STIM1: variants seen among roughly 807,000 people sequenced by gnomAD.
The protein encoded by STIM1 is stromal interaction molecule 1.
A neutral mutation model predicts 74.7 loss-of-function variants in STIM1; 25 were observed. The observed-to-expected ratio is 0.33, with a 90% confidence interval of 0.24 to 0.47. The LOEUF is 0.47. Ranked by LOEUF, STIM1 falls within the 20% of genes least tolerant of loss-of-function variation. The pLI, the probability that STIM1 is intolerant of heterozygous loss-of-function variation, is 1.00. For synonymous variants in STIM1, 328 were observed against 348.8 expected, an observed-to-expected ratio of 0.94 and a Z score of 0.66; for missense variants, 728 against 920.8, an observed-to-expected ratio of 0.79 and a Z score of 2.71.
At chr11:3,897,885 G>T (rs950784924) in intron 1 of STIM1, among the ~76,000 whole-genome samples, 12 of 152,062 alleles carry the variant, frequency 7.9e-5, no homozygotes, top group African/African-American at 2.9e-4. Flanking sequence ...TGGTGTATAT[G>T]TGCCACATTT....
chr11:3,981,860 A>G (rs2093508203), intron 2 of STIM1, among the ~76,000 whole-genome samples: 1 of 152,222 alleles, frequency 6.6e-6, no homozygotes, highest in Non-Finnish European at 1.5e-5. Flanking sequence ...AAAAAAAGGA[A>G]AACACTGAGA....
chr11:4,059,555 T>C (rs181587369), intron 5 of STIM1, among the ~76,000 whole-genome samples, 159 bp downstream of exon 5: 1 of 152,358 alleles, frequency 6.6e-6, no homozygotes, highest in East Asian at 1.9e-4. Context: ...TCTTACATTT[T>C]AGTCCAGACA....
intron 5 of STIM1, among the ~76,000 whole-genome samples, chr11:4,062,283 A>G (rs995093204): frequency 1.3e-5 from 2 of 152,216 alleles, no homozygotes; most frequent in African/African-American, 4.8e-5. Flanking sequence ...TGGAGAAAGT[A>G]TTGGCAAACA....
intron 1 of STIM1, among the ~76,000 whole-genome samples, chr11:3,941,708 T>C (rs920913222): frequency 2.3e-5 from 3 of 132,388 alleles, no homozygotes; most frequent in Middle Eastern, 4.6e-3. Flanking sequence ...TGTGTGTGTG[T>C]CTCAGTGTCA....
At chr11:4,018,541 A>G (rs1461268678) in intron 2 of STIM1, among the ~76,000 whole-genome samples, 4 of 136,768 alleles carry the variant, frequency 2.9e-5, no homozygotes, top group African/African-American at 1.1e-4. Context: ...GCTACTCGGG[A>G]GGCTGAGGCA....
At chr11:4,001,120 T>A (rs1194804285) in intron 2 of STIM1, among the ~76,000 whole-genome samples, 6 of 152,180 alleles carry the variant, frequency 3.9e-5, no homozygotes, top group African/African-American at 1.4e-4. Flanking sequence ...TTGGTGTACC[T>A]GAAAGTGATG....
chr11:4,020,788 A>T (rs2093948674), intron 2 of STIM1, among the ~76,000 whole-genome samples: 1 of 151,730 alleles, frequency 6.6e-6, no homozygotes, highest in African/African-American at 2.4e-5. Flanking sequence ...TTTTTTGCAC[A>T]GGCGGAGTCT....
chr11:3,937,198 G>A (rs553158516), intron 1 of STIM1, among the ~76,000 whole-genome samples: 28 of 151,712 alleles, frequency 1.8e-4, no homozygotes, highest in Middle Eastern at 3.2e-3. Context: ...GGCTGAGGTG[G>A]GAGGACCACC....
chr11:4,080,798 C>G (rs954259391), intron 7 of STIM1, among the ~76,000 whole-genome samples: 3 of 152,162 alleles, frequency 2.0e-5, no homozygotes, highest in African/African-American at 7.2e-5. Flanking sequence ...AGGCCTGCCC[C>G]TTTGTATGCC....
intron 2 of STIM1, among the ~76,000 whole-genome samples, chr11:3,980,275 G>A (rs962549877): frequency 6.6e-6 from 1 of 152,086 alleles, no homozygotes; most frequent in Non-Finnish European, 1.5e-5. Context: ...ATAAATGAGT[G>A]GCTTACTTTT....
chr11:3,937,820 G>T (rs1292693608), intron 1 of STIM1, among the ~76,000 whole-genome samples: 1 of 152,102 alleles, frequency 6.6e-6, no homozygotes, highest in Non-Finnish European at 1.5e-5. Context: ...CTTCTCTCAT[G>T]ATCACTTTTG....
At chr11:4,056,249 C>G (rs996079556) in intron 4 of STIM1, among the ~76,000 whole-genome samples, 1 of 152,154 alleles carries the variant, frequency 6.6e-6, no homozygotes, top group Non-Finnish European at 1.5e-5. Flanking sequence ...TGGGATGGCT[C>G]CAACAGCTGT....
chr11:4,010,179 T>TTC (rs1387463843), intron 2 of STIM1, among the ~76,000 whole-genome samples: 1 of 151,518 alleles, frequency 6.6e-6, no homozygotes, highest in East Asian at 1.9e-4. Flanking sequence ...CTGATTTTTT[T>TTC]TTTTTTTTTG....
At chr11:4,079,852 T>G (rs749676976) in intron 7 of STIM1, among the ~76,000 whole-genome samples, 9 of 152,166 alleles carry the variant, frequency 5.9e-5, no homozygotes, top group Non-Finnish European at 1.0e-4. Context: ...AGAGCCTATT[T>G]TAATGCCCAG....
intron 1 of STIM1, chr11:3,892,778 C>A: frequency 6.2e-7 from 1 of 1,613,214 alleles, no homozygotes; most frequent in South Asian, 1.1e-5. Context: ...GCTCAGAGCA[C>A]GAAAGTTTTC....
intron 2 of STIM1, among the ~76,000 whole-genome samples, chr11:3,997,038 C>T (rs1190210675): frequency 6.6e-6 from 1 of 152,214 alleles, no homozygotes; most frequent in African/African-American, 2.4e-5. Context: ...AGCTTGGATA[C>T]TTTGGTTCTG....
chr11:3,917,083 T>C (rs2135504825), intron 1 of STIM1, among the ~76,000 whole-genome samples: 1 of 152,310 alleles, frequency 6.6e-6, no homozygotes, highest in South Asian at 2.1e-4. Context: ...CTTTCAGGGA[T>C]GCCAGTCAGT....
chr11:3,919,995 T>G (rs535741463), intron 1 of STIM1, among the ~76,000 whole-genome samples: 1 of 152,224 alleles, frequency 6.6e-6, no homozygotes, highest in East Asian at 1.9e-4. Context: ...AGAGGATTGC[T>G]TGAACCCAGG....
Position 4,086,529 on chromosome 11 carries a change from C to G in STIM1, c.1620C>G (p.Gly540=), listed in dbSNP as rs768520523. Residue 540 remains glycine, a synonymous_variant, in exon 12 of 13, where the codon GGC becomes GGG. Transcript: ENST00000526596. ...VRQRLTEPQH[G]LGSQRDLTHS... The stretch of plus-strand genomic sequence containing the variant: ...AGCGCCTGACGGAGCCACAGCATGG[C>G]CTGGGATCTCAGAGGTTGGTAGAGG... 10 of 1,614,194 alleles carry G rather than the reference C, an allele frequency of 6.2e-6. No homozygotes were observed. In the South Asian group the frequency reaches 1.1e-4, roughly 18 times the overall value.
Sources: gnomAD v4.1 joint callset for allele counts (sites outside exome capture counted in the v4.1 genomes callset) on GRCh38, gnomAD v4.1.1 for gene constraint, MANE v1.5 for transcripts, NCBI Gene and HGNC (gene_info 2026-07-23, HGNC 2026-07-21) for gene names.